LMF1: variants seen among roughly 807,000 people sequenced by gnomAD.
The protein encoded by LMF1 is lipase maturation factor 1, also known as transmembrane protein 112.
In LMF1, 68 loss-of-function variants were observed where a neutral mutation model predicts 60.6. The observed-to-expected ratio is 1.12, with a 90% CI of 0.92 to 1.37. The LOEUF (loss-of-function observed/expected upper bound fraction) is 1.37. Among genes scored for constraint, LMF1 ranks in the 40% most tolerant of loss-of-function variants. The probability of loss-of-function intolerance (pLI) is 0.00; values close to 1 mark genes in which losing one functional copy is unlikely to be tolerated. For missense variants in LMF1, 948 were observed against 767.2 expected, an observed-to-expected ratio of 1.24 and a Z score of -2.78; for synonymous variants, 418 against 324.7, an observed-to-expected ratio of 1.29 and a Z score of -3.09.
chr16:917,768 C>T (rs929229171), intron 3 of LMF1, among the ~76,000 whole-genome samples: 8 of 152,190 alleles, frequency 5.3e-5, no homozygotes, highest in African/African-American at 9.6e-5. Context: ...TGTGCTCGCC[C>T]GGCACCCCCG....
At chr16:949,862 C>G (rs1243205553) in intron 2 of LMF1, among the ~76,000 whole-genome samples, 1 of 97,014 alleles carries the variant, frequency 1.0e-5, no homozygotes. Flanking sequence ...ACAGAGTCAG[C>G]CAAGGACAGC....
intron 2 of LMF1, chr16:954,124 C>G (rs1167476455): frequency 1.5e-6 from 1 of 655,970 alleles, no homozygotes; most frequent in Non-Finnish European, 2.8e-6. Flanking sequence ...CAACGCAGTC[C>G]TTTAAGTAAG....
At chr16:903,718 T>C (rs1258258044) in intron 4 of LMF1, 76 of 122,130 alleles carry the variant, frequency 6.2e-4, no homozygotes, top group Non-Finnish European at 8.4e-4. Flanking sequence ...AGGACGCCTA[T>C]CTCTGCTGTG....
upstream of LMF1, among the ~76,000 whole-genome samples, chr16:975,588 T>C (rs2073120583): frequency 6.6e-6 from 1 of 152,232 alleles, no homozygotes; most frequent in Non-Finnish European, 1.5e-5. Context: ...GTGCCCTCTG[T>C]CCCTTCCTAT....
intron 3 of LMF1, among the ~76,000 whole-genome samples, chr16:913,178 G>A (rs1410491946): frequency 6.6e-6 from 1 of 152,236 alleles, no homozygotes; most frequent in South Asian, 2.1e-4. Context: ...CCAGGGGGAC[G>A]GCTCCGGGAG....
intron 1 of LMF1, among the ~76,000 whole-genome samples, chr16:955,472 C>T (rs202066943): frequency 2.3e-5 from 1 of 43,188 alleles, no homozygotes; most frequent in African/African-American, 2.8e-4. Context: ...TGTGTGCATA[C>T]ACACACACAC....
At chr16:889,966 C>G (rs1046079951) in intron 5 of LMF1, among the ~76,000 whole-genome samples, 45 of 152,300 alleles carry the variant, frequency 3.0e-4, no homozygotes, top group Admixed American at 7.2e-4. Context: ...GGCCCTGCTG[C>G]CCACCTGTGC....
intron 4 of LMF1, chr16:901,689 C>T (rs2070815849): frequency 6.6e-6 from 1 of 152,190 alleles, no homozygotes; most frequent in South Asian, 2.1e-4. Flanking sequence ...GTGCGTGCAG[C>T]CCCGGTGGGA....
intron 2 of LMF1, 64 bp downstream of exon 2, chr16:954,293 C>T: frequency 6.7e-7 from 1 of 1,484,856 alleles, no homozygotes; most frequent in Non-Finnish European, 9.3e-7. Flanking sequence ...GCCAGGACAC[C>T]TGCAGTGCCT....
At chr16:896,293 C>T (rs1209640495) in intron 4 of LMF1, among the ~76,000 whole-genome samples, 3 of 152,206 alleles carry the variant, frequency 2.0e-5, no homozygotes, top group Non-Finnish European at 2.9e-5. Flanking sequence ...AGCCACCCCG[C>T]GCACTGTGAA....
intron 5 of LMF1, chr16:884,195 G>A (rs547093350): frequency 2.0e-5 from 3 of 152,302 alleles, no homozygotes; most frequent in Non-Finnish European, 2.9e-5. Context: ...ACTCATTCAC[G>A]TTTTTGGTAT....
At chr16:955,382 GACGCGGTGTGTGC>G (rs2072665616) in intron 1 of LMF1, among the ~76,000 whole-genome samples, 2 of 146,742 alleles carry the variant, frequency 1.4e-5, no homozygotes, top group Non-Finnish European at 3.0e-5. Flanking sequence ...GCCCGCAGCA[GACGCGGTGTGTGC>G]ATACACGCAC....
upstream of LMF1, chr16:971,050 C>T (rs1221882115): frequency 3.3e-6 from 4 of 1,230,144 alleles, no homozygotes; most frequent in Non-Finnish European, 4.3e-6. Context: ...GGAGGCCCCG[C>T]CTCTCCCTGG....
rs1173062361 is a variant in LMF1 at position 897,562 on chromosome 16, C to T, written c.664-4490G>A. ...CGCAGGAGAGACTCAAAGGGGAGAG[C>T]TTTGTCCTGGAGTCAGGTCACAGCC... On this transcript the variant is annotated intron_variant, in intron 4 of 10. Transcript: ENST00000262301. This position sits in a 1 kb window ranked among gnomAD's most constrained non-coding sequence, Gnocchi z 4.3. Among the ~76,000 whole-genome samples, 1 of 152,236 alleles carries T rather than the reference C, an allele frequency of 6.6e-6. No homozygotes were observed. Among genetic ancestry groups the T allele is most frequent in the Non-Finnish European group, 1.5e-5 (1 of 68,036 alleles).
intron 3 of LMF1, chr16:933,932 A>T (rs2071864717): frequency 7.3e-7 from 1 of 1,368,568 alleles, no homozygotes. Flanking sequence ...TTGAGCGTCC[A>T]CGGGGGATGG....
chr16:955,996 G>A (rs111853236), intron 1 of LMF1, among the ~76,000 whole-genome samples: 48 of 138,650 alleles, frequency 3.5e-4, no homozygotes, highest in African/African-American at 1.3e-3. Flanking sequence ...GTCTCACGGC[G>A]CCCACCCCAC....
chr16:981,047 G>C (rs1259679438), intron 1 of LMF1: 4 of 233,008 alleles, frequency 1.7e-5, no homozygotes, highest in South Asian at 1.1e-4. Context: ...CGGCCCCCGG[G>C]ACCGCGCCCC....
chr16:926,896 C>T (rs1353100927), intron 3 of LMF1, among the ~76,000 whole-genome samples: 1 of 152,216 alleles, frequency 6.6e-6, no homozygotes, highest in Non-Finnish European at 1.5e-5. Flanking sequence ...TGGACGGCAC[C>T]CCGGGCCTAT....
At chr16:932,876 C>T (rs1477841491) in intron 3 of LMF1, among the ~76,000 whole-genome samples, 3 of 151,286 alleles carry the variant, frequency 2.0e-5, no homozygotes, top group Admixed American at 6.6e-5. Context: ...CGCTTCCTCA[C>T]GTCTACTCGC....
Sources: allele counts gnomAD v4.1 joint callset (sites outside exome capture counted in the v4.1 genomes callset), GRCh38; gene constraint gnomAD v4.1.1; non-coding constraint Gnocchi (gnomAD v3.1); transcripts MANE v1.5; gene names NCBI Gene and HGNC (gene_info 2026-07-23, HGNC 2026-07-21).